ABI3BP: variants seen among roughly 807,000 people sequenced by gnomAD.
ABI3BP encodes the protein ABI family member 3 binding protein.
A neutral mutation model predicts 268.6 loss-of-function variants in ABI3BP; 216 were observed. The ratio of observed to expected loss-of-function variants is 0.80; its 90% CI spans 0.72 to 0.90. ABI3BP has a LOEUF of 0.90. ABI3BP is among the 40% of genes least tolerant of loss of function. The pLI is 0.00. For missense variants in ABI3BP, 2,090 were observed against 2,182.4 expected, an observed-to-expected ratio of 0.96 and a Z score of 0.84; for synonymous variants, 730 against 730.0, an observed-to-expected ratio of 1.00 and a Z score of 0.00.
intron 51 of ABI3BP, 128 bp from the exon 52 acceptor site, chr3:100,796,596 A>G (rs1046011034): frequency 3.4e-6 from 2 of 590,832 alleles, no homozygotes; most frequent in African/African-American, 3.9e-5. Context: ...GTTAATGACC[A>G]AAGTTGAGAA....
chr3:100,951,191 C>T (rs2074827944), intron 1 of ABI3BP, among the ~76,000 whole-genome samples: 1 of 151,896 alleles, frequency 6.6e-6, no homozygotes, highest in Admixed American at 6.6e-5. Context: ...TCCTCTCTAG[C>T]ATTGCAGACC....
intron 63 of ABI3BP, among the ~76,000 whole-genome samples, chr3:100,756,773 T>C (rs1179970104): frequency 3.0e-5 from 3 of 101,090 alleles, no homozygotes; most frequent in East Asian, 2.3e-4. Context: ...AGCTACTTTT[T>C]GGGTTTTTTT....
intron 9 of ABI3BP, among the ~76,000 whole-genome samples, chr3:100,870,620 T>G (rs1460629197): frequency 2.0e-5 from 3 of 152,172 alleles, no homozygotes; most frequent in African/African-American, 7.2e-5. Context: ...GTGCAGCTAT[T>G]ATAGAAAATG....
intron 6 of ABI3BP, among the ~76,000 whole-genome samples, chr3:100,882,107 T>A (rs1167317491): frequency 1.3e-5 from 2 of 152,178 alleles, no homozygotes; most frequent in Admixed American, 1.3e-4. Context: ...GTTCAAGAGT[T>A]TTTGCTGCTT....
chr3:100,881,548 A>AT (rs2039262030), intron 6 of ABI3BP, among the ~76,000 whole-genome samples: 1 of 152,138 alleles, frequency 6.6e-6, no homozygotes, highest in African/African-American at 2.4e-5. Context: ...TAAGTAATAC[A>AT]TTTTTTCAAA....
At chr3:100,953,675 A>G (rs951280883) in intron 1 of ABI3BP, among the ~76,000 whole-genome samples, 3 of 152,230 alleles carry the variant, frequency 2.0e-5, no homozygotes, top group African/African-American at 4.8e-5. Context: ...ATACAAAGCA[A>G]TGCTTTACAT....
intron 38 of ABI3BP, 134 bp from the exon 39 acceptor site, chr3:100,821,247 ACT>A: frequency 1.4e-6 from 1 of 735,046 alleles, no homozygotes; most frequent in Non-Finnish European, 2.2e-6. Context: ...AACTGTTAAA[ACT>A]AAAAAAGTAG....
At chr3:100,836,160 CTCCTTATTCATTTAT>C in intron 27 of ABI3BP, among the ~76,000 whole-genome samples, 1 of 152,156 alleles carries the variant, frequency 6.6e-6, no homozygotes, top group Non-Finnish European at 1.5e-5. Context: ...CTTACTCTGC[CTCCTTATTCATTTAT>C]TTCAAATTGC....
chr3:100,795,740 G>T (rs1411997979), intron 53 of ABI3BP, 64 bp downstream of exon 53: 21 of 1,159,648 alleles, frequency 1.8e-5, no homozygotes, highest in Non-Finnish European at 1.9e-5. Flanking sequence ...GATCATTTGA[G>T]AAAGGCCTGC....
chr3:100,926,825 T>C (rs1050565525), intron 1 of ABI3BP, among the ~76,000 whole-genome samples: 1 of 152,230 alleles, frequency 6.6e-6, no homozygotes, highest in Middle Eastern at 3.4e-3. Flanking sequence ...ATTGGTAAAA[T>C]TGAATTACTA....
At chr3:100,848,765 G>A in intron 18 of ABI3BP, 36 bp downstream of exon 18, 1 of 1,575,874 alleles carries the variant, frequency 6.3e-7, no homozygotes, top group South Asian at 1.1e-5. Flanking sequence ...TGTCTATCTG[G>A]AATTACATAT....
intron 57 of ABI3BP, among the ~76,000 whole-genome samples, chr3:100,781,007 G>C (rs940251394): frequency 3.3e-5 from 5 of 152,066 alleles, no homozygotes; most frequent in African/African-American, 1.2e-4. Flanking sequence ...TAAAAGAATA[G>C]AAACAGACAT....
intron 2 of ABI3BP, among the ~76,000 whole-genome samples, chr3:100,909,101 G>C (rs2055005409): frequency 6.6e-6 from 1 of 152,018 alleles, no homozygotes; most frequent in Non-Finnish European, 1.5e-5. Context: ...AGAAATAACA[G>C]CACGCATCTA....
intron 55 of ABI3BP, 45 bp downstream of exon 55, chr3:100,792,646 G>T: frequency 6.4e-7 from 1 of 1,566,014 alleles, no homozygotes; most frequent in Non-Finnish European, 8.8e-7. Context: ...CTGATTAAAA[G>T]CAAATAAGGA....
intron 1 of ABI3BP, among the ~76,000 whole-genome samples, chr3:100,939,811 C>T (rs2068056086): frequency 6.6e-6 from 1 of 151,946 alleles, no homozygotes; most frequent in South Asian, 2.1e-4. Flanking sequence ...TCCTAATAAG[C>T]CTGGGAGCAC....
rs1307252928 is a variant in ABI3BP at position 100,832,269 on chromosome 3, T to G, written c.2396A>C (p.Lys799Thr). 2.6e-6 allele frequency: 4 copies of G among 1,535,252 alleles called. No individual in the cohort carries two copies. Among genetic ancestry groups the G allele is most frequent in the East Asian group, 4.9e-5 (2 of 40,904 alleles). Residue 799 changes from lysine (K) to threonine (T), a missense_variant, in exon 31 of 68, where the codon AAA becomes ACA. Transcript: ENST00000471714. The part of the protein sequence containing the change: ...TTPHPEVPQT[K>T]LVPATILEPV... ...AACAGAAACTACATATTTACCCAGTTTAGTTTGAGGTACTTCTGGATGGGG... is the reference window on the plus strand; with the variant it reads ...AACAGAAACTACATATTTACCCAGTGTAGTTTGAGGTACTTCTGGATGGGG...
intron 63 of ABI3BP, among the ~76,000 whole-genome samples, chr3:100,759,966 A>G (rs1038619089): frequency 7.9e-5 from 12 of 152,224 alleles, no homozygotes; most frequent in African/African-American, 2.9e-4. Flanking sequence ...AAAAGGGTAT[A>G]ATGGCTATTC....
chr3:100,943,551 C>T (rs1165260293), intron 1 of ABI3BP, among the ~76,000 whole-genome samples: 2 of 152,082 alleles, frequency 1.3e-5, no homozygotes, highest in African/African-American at 2.4e-5. Context: ...CATGCCCCTT[C>T]CCAGTTCATT....
chr3:100,794,662 A>G (rs569014853), intron 54 of ABI3BP, among the ~76,000 whole-genome samples: 2 of 152,106 alleles, frequency 1.3e-5, no homozygotes, highest in East Asian at 3.9e-4. Flanking sequence ...AATACTTAAA[A>G]TTCTTAAGTA....
Sources: allele counts gnomAD v4.1 joint callset (sites outside exome capture counted in the v4.1 genomes callset), GRCh38; gene constraint gnomAD v4.1.1; transcripts MANE v1.5; gene names NCBI Gene and HGNC (gene_info 2026-07-23, HGNC 2026-07-21).